Variants in ADAMTSL3 observed in about 807,000 individuals in gnomAD.
The protein encoded by ADAMTSL3 is ADAMTS-like protein 3.
A neutral mutation model predicts 201.7 loss-of-function variants in ADAMTSL3; 128 were observed. The observed-to-expected ratio is 0.63, with a 90% CI of 0.55 to 0.73. ADAMTSL3 has a LOEUF of 0.73. Ranked by LOEUF, ADAMTSL3 falls within the 30% of genes least tolerant of loss-of-function variation. The pLI, the probability that ADAMTSL3 is intolerant of heterozygous loss-of-function variation, is 0.00. For synonymous variants in ADAMTSL3, 738 were observed against 748.4 expected (o/e 0.99, Z 0.23); for missense variants, 1,990 against 2,119.6 (o/e 0.94, Z 1.20).
chr15:83,742,861 C>T (rs149066962), intron 3 of ADAMTSL3, among the ~76,000 whole-genome samples: 1 of 152,166 alleles, frequency 6.6e-6, no homozygotes, highest in Non-Finnish European at 1.5e-5. Flanking sequence ...AAGTTTCTCA[C>T]TATTACAATT....
chr15:83,660,711 T>C (rs1381443210), intron 2 of ADAMTSL3, among the ~76,000 whole-genome samples: 1 of 152,234 alleles, frequency 6.6e-6, no homozygotes, highest in Non-Finnish European at 1.5e-5. Flanking sequence ...GTTCCAAAAA[T>C]TTTCTCCCAT....
intron 26 of ADAMTSL3, among the ~76,000 whole-genome samples, chr15:84,022,671 C>G (rs2068226049): frequency 6.6e-6 from 1 of 152,178 alleles, no homozygotes; most frequent in Non-Finnish European, 1.5e-5. Context: ...GAAACAGTGC[C>G]TAGCAATAGT....
intron 4 of ADAMTSL3, among the ~76,000 whole-genome samples, chr15:83,793,070 C>T (rs939699291): frequency 1.1e-4 from 17 of 152,178 alleles, no homozygotes; most frequent in South Asian, 6.2e-4. Context: ...ATTTAAGTGA[C>T]GTAAGTCAGG....
intron 19 of ADAMTSL3, among the ~76,000 whole-genome samples, chr15:83,957,258 G>C (rs1344432859): frequency 1.3e-5 from 2 of 152,176 alleles, no homozygotes; most frequent in Admixed American, 6.5e-5. Flanking sequence ...AGGATGCACT[G>C]AGTAAGTGCT....
intron 6 of ADAMTSL3, among the ~76,000 whole-genome samples, chr15:83,826,517 T>TA (rs913315846): frequency 1.3e-5 from 2 of 151,810 alleles, no homozygotes; most frequent in African/African-American, 4.8e-5. Context: ...ATAGGACTTT[T>TA]AAAAAAATTA....
intron 19 of ADAMTSL3, among the ~76,000 whole-genome samples, chr15:83,958,081 G>A (rs1214035667): frequency 6.6e-6 from 1 of 152,178 alleles, no homozygotes; most frequent in Non-Finnish European, 1.5e-5. Context: ...ACACAGTGCA[G>A]ACACTGTTCA....
At chr15:83,807,187 G>A (rs1021283962) in intron 5 of ADAMTSL3, among the ~76,000 whole-genome samples, 2 of 152,206 alleles carry the variant, frequency 1.3e-5, no homozygotes, top group African/African-American at 4.8e-5. Flanking sequence ...CGGGCATGGT[G>A]GCTCACGCCT....
At chr15:83,720,461 T>C (rs2062085080) in intron 3 of ADAMTSL3, among the ~76,000 whole-genome samples, 2 of 152,246 alleles carry the variant, frequency 1.3e-5, no homozygotes, top group Admixed American at 6.5e-5. Flanking sequence ...TTCAAACTTA[T>C]GTGTGCAGTA....
At chr15:83,724,964 C>T (rs998066495) in intron 3 of ADAMTSL3, among the ~76,000 whole-genome samples, 2 of 151,888 alleles carry the variant, frequency 1.3e-5, no homozygotes, top group African/African-American at 4.8e-5. Context: ...TGTTCATGGA[C>T]CCTTATGTTG....
At position 83,983,364 on chromosome 15, in the gene ADAMTSL3, A is replaced by G. The variant is rs201131184; in HGVS notation, c.3716+20A>G. ...AGTAAAGTAAGTAAAATAAAAATGC[A>G]GTATTCATTTTTGCACTACCTTCTT... On this transcript the variant is annotated intron_variant, in intron 21 of 29. Coordinates refer to ENST00000286744, the MANE Select transcript of ADAMTSL3 (RefSeq NM_207517.3). 7 of 1,444,950 alleles carry G rather than the reference A, an allele frequency of 4.8e-6. No individual in the cohort carries two copies. In the East Asian group the frequency reaches 1.7e-4, roughly 35 times the overall value. The allele number at this position is 1,444,950 out of a possible 1,614,324, so 89.5% of individuals were successfully genotyped here.
intron 5 of ADAMTSL3, among the ~76,000 whole-genome samples, chr15:83,819,182 A>G (rs909829271): frequency 4.0e-5 from 6 of 151,516 alleles, no homozygotes; most frequent in African/African-American, 7.3e-5. Context: ...GAAGCAGGAG[A>G]ATCGCTTGAA....
chr15:83,816,170 A>G (rs886768695), intron 5 of ADAMTSL3, among the ~76,000 whole-genome samples: 3 of 152,228 alleles, frequency 2.0e-5, no homozygotes, highest in African/African-American at 7.2e-5. Flanking sequence ...TTCTTACCGA[A>G]TTCATTCTTC....
chr15:83,969,941 A>G (rs981960189), intron 19 of ADAMTSL3, among the ~76,000 whole-genome samples: 18 of 152,134 alleles, frequency 1.2e-4, no homozygotes, highest in African/African-American at 3.9e-4. Context: ...ACAAAAGGGA[A>G]CTTCGGAAAG....
chr15:83,979,619 A>T (rs2141800320), intron 20 of ADAMTSL3, among the ~76,000 whole-genome samples: 1 of 152,328 alleles, frequency 6.6e-6, no homozygotes, highest in East Asian at 1.9e-4. Flanking sequence ...GAAAAAGGCA[A>T]CCTTGCCAAT....
At chr15:83,851,257 C>G (rs1215394174) in intron 7 of ADAMTSL3, among the ~76,000 whole-genome samples, 2 of 152,190 alleles carry the variant, frequency 1.3e-5, no homozygotes, top group African/African-American at 4.8e-5. Context: ...GCTCCTTGTT[C>G]TTAGCTTTGC....
chr15:83,825,953 T>C (rs887538750), intron 6 of ADAMTSL3, among the ~76,000 whole-genome samples: 8 of 152,180 alleles, frequency 5.3e-5, no homozygotes, highest in African/African-American at 1.7e-4. Flanking sequence ...AATTTGGGCT[T>C]GTCTTTAGAA....
At chr15:83,780,763 C>T (rs1262812009) in intron 4 of ADAMTSL3, among the ~76,000 whole-genome samples, 1 of 152,190 alleles carries the variant, frequency 6.6e-6, no homozygotes, top group African/African-American at 2.4e-5. Context: ...AGCAAAGTCT[C>T]AGGATACAAA....
At chr15:83,676,860 A>T (rs1410157013) in intron 2 of ADAMTSL3, among the ~76,000 whole-genome samples, 1 of 152,254 alleles carries the variant, frequency 6.6e-6, no homozygotes, top group Admixed American at 6.5e-5. Context: ...TCTATGAACC[A>T]GAGAGTAGGC....
chr15:83,739,604 A>G (rs1282428665), intron 3 of ADAMTSL3, among the ~76,000 whole-genome samples: 1 of 151,898 alleles, frequency 6.6e-6, no homozygotes, highest in East Asian at 1.9e-4. Flanking sequence ...CCAAAAAAAA[A>G]TCTGAAATCC....
Sources: allele counts gnomAD v4.1 joint callset (sites outside exome capture counted in the v4.1 genomes callset), GRCh38; gene constraint gnomAD v4.1.1; transcripts MANE v1.5; gene names NCBI Gene and HGNC (gene_info 2026-07-23, HGNC 2026-07-21).